Variants in ZNF503 observed in about 807,000 individuals in gnomAD.
ZNF503 encodes zinc finger protein 503.
ZNF503 carries 15 observed loss-of-function variants against 34.4 expected under a neutral mutation model. The observed-to-expected ratio is 0.44, with a 90% CI of 0.29 to 0.67. The LOEUF (loss-of-function observed/expected upper bound fraction) is 0.67. Among genes scored for constraint, ZNF503 ranks in the 30% least tolerant of loss-of-function variants. The pLI is 0.13. For missense variants in ZNF503, 1,007 were observed against 926.8 expected, an observed-to-expected ratio of 1.09 and a Z score of -1.12; for synonymous variants, 580 against 456.8, an observed-to-expected ratio of 1.27 and a Z score of -3.44.
downstream of ZNF503, among the ~76,000 whole-genome samples, chr10:75,397,307 AC>A (rs1363544079): frequency 2.6e-5 from 4 of 152,110 alleles, no homozygotes; most frequent in Non-Finnish European, 4.4e-5. Flanking sequence ...TCCCCTAGGG[AC>A]CAGAGGGTCC....
chr10:75,354,217 C>A, the ZNF503 span, among the ~76,000 whole-genome samples: 1 of 152,152 alleles, frequency 6.6e-6, no homozygotes, highest in South Asian at 2.1e-4. Flanking sequence ...GGCCACTAGA[C>A]AAGAGAACAT....
At chr10:75,346,346 G>T in the ZNF503 span, among the ~76,000 whole-genome samples, 1 of 151,854 alleles carries the variant, frequency 6.6e-6, no homozygotes, top group Non-Finnish European at 1.5e-5. Context: ...TGAAAATCTT[G>T]GTAATTTTTG....
the ZNF503 span, among the ~76,000 whole-genome samples, chr10:75,336,939 C>G: frequency 2.0e-4 from 31 of 152,316 alleles, no homozygotes; most frequent in South Asian, 3.7e-3. Context: ...GGAGAAAACT[C>G]TCTGCTTTTA....
At chr10:75,369,402 C>G in the ZNF503 span, among the ~76,000 whole-genome samples, 1 of 152,170 alleles carries the variant, frequency 6.6e-6, no homozygotes, top group South Asian at 2.1e-4. Context: ...ATGCTGTTCT[C>G]GTGATACTAA....
the ZNF503 span, among the ~76,000 whole-genome samples, chr10:75,377,841 T>A: frequency 6.6e-6 from 1 of 152,150 alleles, no homozygotes; most frequent in Non-Finnish European, 1.5e-5. Flanking sequence ...GGGTAATGTA[T>A]AAAGAAAAGG....
At chr10:75,367,125 T>C in the ZNF503 span, among the ~76,000 whole-genome samples, 2 of 152,202 alleles carry the variant, frequency 1.3e-5, no homozygotes, top group Admixed American at 6.5e-5. Flanking sequence ...AGTATCCATC[T>C]AGCAGGGCCT....
At chr10:75,377,249 A>G in the ZNF503 span, among the ~76,000 whole-genome samples, 1 of 152,192 alleles carries the variant, frequency 6.6e-6, no homozygotes, top group African/African-American at 2.4e-5. Flanking sequence ...TCAGGCGCCC[A>G]GTGACAAGGT....
At chr10:75,291,155 T>C in the ZNF503 span, among the ~76,000 whole-genome samples, 1 of 152,196 alleles carries the variant, frequency 6.6e-6, no homozygotes, top group African/African-American at 2.4e-5. Flanking sequence ...GAGGGAGATG[T>C]CACTTTGCCA....
the ZNF503 span, among the ~76,000 whole-genome samples, chr10:75,289,958 C>T: frequency 6.6e-6 from 1 of 152,192 alleles, no homozygotes; most frequent in Non-Finnish European, 1.5e-5. Flanking sequence ...ACCTCTTCAC[C>T]TTGTAAAACA....
chr10:75,401,074 T>C (rs1294106347), intron 1 of ZNF503, 31 bp downstream of exon 1: 3 of 1,613,154 alleles, frequency 1.9e-6, no homozygotes, highest in East Asian at 2.2e-5. Flanking sequence ...AGGGTAGTGG[T>C]CCCAGTGCGA....
At chr10:75,369,798 G>A in the ZNF503 span, among the ~76,000 whole-genome samples, 1 of 152,094 alleles carries the variant, frequency 6.6e-6, no homozygotes, top group African/African-American at 2.4e-5. Context: ...TTGGTGGCCG[G>A]GCTAACACCT....
chr10:75,349,143 A>G, the ZNF503 span, among the ~76,000 whole-genome samples: 2 of 152,226 alleles, frequency 1.3e-5, no homozygotes, highest in South Asian at 4.1e-4. Flanking sequence ...CCTTGCTACA[A>G]TGTAACATAA....
At chr10:75,294,162 C>G in the ZNF503 span, among the ~76,000 whole-genome samples, 1 of 152,222 alleles carries the variant, frequency 6.6e-6, no homozygotes, top group African/African-American at 2.4e-5. Flanking sequence ...ATCCCACATG[C>G]CTTATCTGGG....
At chr10:75,329,381 TCTTCCTTCCTTC>T in the ZNF503 span, among the ~76,000 whole-genome samples, 34 of 129,180 alleles carry the variant, frequency 2.6e-4, no homozygotes, top group South Asian at 2.8e-3. Context: ...CTTCTTTCTT[TCTTCCTTCCTTC>T]CTTCCTTCCT....
chr10:75,401,051 T>C (rs762253491), intron 1 of ZNF503, 54 bp downstream of exon 1: 4 of 1,610,646 alleles, frequency 2.5e-6, no homozygotes, highest in Non-Finnish European at 3.4e-6. Context: ...AAGAAAGCCC[T>C]AGGGTGGCAG....
the ZNF503 span, among the ~76,000 whole-genome samples, chr10:75,316,183 A>C: frequency 6.6e-6 from 1 of 152,158 alleles, no homozygotes; most frequent in African/African-American, 2.4e-5. Context: ...AAAATCAATA[A>C]GGAAACATTG....
At position 75,398,973 on chromosome 10, in the gene ZNF503, T is replaced by C. The variant is rs1475703418; in HGVS notation, c.1717A>G (p.Met573Val). ...GGTGCGCCCGAGGTGGGGATGTGCA[T>C]GTGGCAAGCCATGGCGGCCGCGGCA... Reference protein sequence around the residue: ...SAAAAAMACHMHIPTSGAPGS... With the variant: ...SAAAAAMACHVHIPTSGAPGS... The change falls in exon 2 of 2, where the codon ATG (methionine) becomes GTG (valine). Residue 573 changes from methionine (M) to valine (V), a missense_variant. Met to Val is a conservative substitution (Grantham distance 21, BLOSUM62 1). Coordinates refer to ENST00000372524, the MANE Select transcript of ZNF503 (RefSeq NM_032772.6). The C allele has an allele frequency of 5.0e-6, 8 of 1,605,306 alleles. 1 individual carries two copies. In the African/African-American group the frequency reaches 6.7e-5, roughly 13 times the overall value.
chr10:75,400,438 C>G (rs559218246), intron 1 of ZNF503, 64 bp from the exon 2 acceptor site: 2 of 1,507,278 alleles, frequency 1.3e-6, no homozygotes, highest in Admixed American at 2.3e-5. Context: ...CCTTTAGAAT[C>G]CTGGCTTCTG....
the ZNF503 span, among the ~76,000 whole-genome samples, chr10:75,310,452 T>C: frequency 2.0e-5 from 3 of 152,152 alleles, no homozygotes; most frequent in African/African-American, 4.8e-5. Flanking sequence ...AGGAAAAGGG[T>C]AGCCTAGCAA....
Sources: allele counts gnomAD v4.1 joint callset (sites outside exome capture counted in the v4.1 genomes callset), GRCh38; gene constraint gnomAD v4.1.1; transcripts MANE v1.5; gene names NCBI Gene and HGNC (gene_info 2026-07-23, HGNC 2026-07-21).